ROBO2: variants seen among roughly 807,000 people sequenced by gnomAD.
ROBO2 encodes roundabout homolog 2.
In ROBO2, 53 loss-of-function variants were observed where a neutral mutation model predicts 160.8. The observed-to-expected ratio is 0.33, with a 90% confidence interval of 0.26 to 0.41. The LOEUF (loss-of-function observed/expected upper bound fraction) is 0.41, where lower values mean the gene tolerates loss of function less well. Among genes scored for constraint, ROBO2 ranks in the 10% least tolerant of loss-of-function variants. The probability of loss-of-function intolerance (pLI) is 1.00; values close to 1 mark genes in which losing one functional copy is unlikely to be tolerated. For missense variants in ROBO2, 1,577 were observed against 1,722.4 expected, an observed-to-expected ratio of 0.92 and a Z score of 1.49; for synonymous variants, 664 against 611.7, an observed-to-expected ratio of 1.09 and a Z score of -1.26.
At chr3:77,495,555 G>A (rs571539622) in intron 5 of ROBO2, among the ~76,000 whole-genome samples, 3 of 152,148 alleles carry the variant, frequency 2.0e-5, no homozygotes, top group South Asian at 4.1e-4. Context: ...AGTCTCCTCC[G>A]TCCTGTTACA....
At chr3:76,612,661 A>G (rs552894043) in intron 2 of ROBO2, among the ~76,000 whole-genome samples, 1 of 152,184 alleles carries the variant, frequency 6.6e-6, no homozygotes. Context: ...ATGTATACCT[A>G]TGTAAGAAAC....
intron 2 of ROBO2, among the ~76,000 whole-genome samples, chr3:76,636,138 C>T (rs1560279088): frequency 6.6e-6 from 1 of 152,040 alleles, no homozygotes; most frequent in Non-Finnish European, 1.5e-5. Context: ...TATTTATTTC[C>T]ATCACTTATC....
chr3:76,834,606 A>C (rs1559576581), intron 2 of ROBO2, among the ~76,000 whole-genome samples: 1 of 152,072 alleles, frequency 6.6e-6, no homozygotes, highest in East Asian at 1.9e-4. Context: ...TACTGACCTC[A>C]AGTGATCTGC....
At chr3:76,694,687 T>C (rs1413040100) in intron 2 of ROBO2, among the ~76,000 whole-genome samples, 1 of 152,154 alleles carries the variant, frequency 6.6e-6, no homozygotes, top group African/African-American at 2.4e-5. Flanking sequence ...TCAGTAAACA[T>C]AAACTTCTAA....
chr3:77,306,597 A>C (rs2063115614), intron 2 of ROBO2, among the ~76,000 whole-genome samples: 1 of 152,184 alleles, frequency 6.6e-6, no homozygotes, highest in Admixed American at 6.5e-5. Flanking sequence ...CCAGTGAACT[A>C]TTTTCTAGAA....
intron 19 of ROBO2, among the ~76,000 whole-genome samples, chr3:77,599,844 G>C (rs567895562): frequency 6.6e-6 from 1 of 152,008 alleles, no homozygotes; most frequent in East Asian, 1.9e-4. Context: ...CAAAACACTG[G>C]GTGAGCAACT....
At chr3:76,939,489 G>A (rs537676565) in intron 2 of ROBO2, among the ~76,000 whole-genome samples, 3 of 152,186 alleles carry the variant, frequency 2.0e-5, no homozygotes, top group African/African-American at 7.2e-5. Context: ...AAAAAGCAGA[G>A]GTTTAAATCC....
At chr3:76,282,851 A>C (rs985222310) in intron 2 of ROBO2, among the ~76,000 whole-genome samples, 1 of 151,834 alleles carries the variant, frequency 6.6e-6, no homozygotes. Context: ...AAGAAAACAC[A>C]CATACTTATG....
chr3:76,314,899 A>G (rs1490970318), intron 2 of ROBO2, among the ~76,000 whole-genome samples: 1 of 152,164 alleles, frequency 6.6e-6, no homozygotes, highest in African/African-American at 2.4e-5. Flanking sequence ...TGTGTTGTTC[A>G]AGGGTCAATC....
intron 2 of ROBO2, among the ~76,000 whole-genome samples, chr3:76,521,680 T>C (rs1201171237): frequency 6.6e-6 from 1 of 152,208 alleles, no homozygotes; most frequent in Non-Finnish European, 1.5e-5. Flanking sequence ...ACCATATTCA[T>C]TGCAAAGTAA....
intron 2 of ROBO2, among the ~76,000 whole-genome samples, chr3:76,893,144 G>A (rs984604703): frequency 2.6e-5 from 4 of 151,852 alleles, no homozygotes; most frequent in South Asian, 2.1e-4. Context: ...TATACGGTAC[G>A]CATTATCCTT....
At chr3:76,220,523 A>C (rs895121334) in intron 2 of ROBO2, among the ~76,000 whole-genome samples, 18 of 152,236 alleles carry the variant, frequency 1.2e-4, no homozygotes, top group African/African-American at 4.3e-4. Context: ...CGATGCAGCA[A>C]GAAGGCTTGC....
chr3:77,054,113 A>G (rs753750286), intron 1 of ROBO2, among the ~76,000 whole-genome samples: 1 of 152,208 alleles, frequency 6.6e-6, no homozygotes, highest in Non-Finnish European at 1.5e-5. Context: ...CTTTAGGAAG[A>G]TGCTTGTCTA....
intron 2 of ROBO2, among the ~76,000 whole-genome samples, chr3:76,788,619 A>G (rs1158270578): frequency 6.6e-6 from 1 of 151,578 alleles, no homozygotes; most frequent in Non-Finnish European, 1.5e-5. Flanking sequence ...CAGGAAAGTT[A>G]TTACTTTAAA....
chr3:76,618,715 C>T (rs1304169900), intron 2 of ROBO2, among the ~76,000 whole-genome samples: 1 of 151,716 alleles, frequency 6.6e-6, no homozygotes, highest in Non-Finnish European at 1.5e-5. Flanking sequence ...ATACCTAATA[C>T]ACAAATGTAC....
intron 2 of ROBO2, among the ~76,000 whole-genome samples, chr3:77,235,977 T>C (rs896115780): frequency 4.6e-5 from 7 of 152,092 alleles, no homozygotes; most frequent in African/African-American, 1.7e-4. Flanking sequence ...ACCAAAAGAG[T>C]CAAACTCTGT....
intron 2 of ROBO2, among the ~76,000 whole-genome samples, chr3:77,300,808 T>C (rs1580864964): frequency 6.6e-6 from 1 of 151,842 alleles, no homozygotes; most frequent in Non-Finnish European, 1.5e-5. Flanking sequence ...AACAGGAGAG[T>C]TGGGGGGCTT....
intron 2 of ROBO2, among the ~76,000 whole-genome samples, chr3:77,133,269 G>A (rs2076007136): frequency 6.6e-6 from 1 of 151,976 alleles, no homozygotes; most frequent in Non-Finnish European, 1.5e-5. Context: ...ATTTTGAGAG[G>A]GTAGCGATGA....
chr3:76,972,140 A>C (rs2149286384), intron 2 of ROBO2, among the ~76,000 whole-genome samples: 1 of 152,254 alleles, frequency 6.6e-6, no homozygotes, highest in African/African-American at 2.4e-5. Flanking sequence ...AGGAAATTGT[A>C]GGAACTCTCT....
Sources: gnomAD v4.1 joint callset for allele counts (sites outside exome capture counted in the v4.1 genomes callset) on GRCh38, gnomAD v4.1.1 for gene constraint, MANE v1.5 for transcripts, NCBI Gene and HGNC (gene_info 2026-07-23, HGNC 2026-07-21) for gene names.